LINGO2: variants seen among roughly 807,000 people sequenced by gnomAD.
The protein encoded by LINGO2 is leucine rich repeat and Ig domain containing 2.
Under a neutral mutation model 30.6 loss-of-function variants are expected in LINGO2, and 14 were observed. The observed-to-expected ratio is 0.46, with a 90% CI of 0.30 to 0.72. The LOEUF (loss-of-function observed/expected upper bound fraction) is 0.72. Ranked by LOEUF, LINGO2 falls within the 30% of genes least tolerant of loss-of-function variation. The pLI is 0.07. For missense variants in LINGO2, 729 were observed against 751.7 expected (o/e 0.97, Z 0.35); for synonymous variants, 317 against 288.5 (o/e 1.10, Z -1.00).
intron 5 of LINGO2, among the ~76,000 whole-genome samples, chr9:27,950,999 T>G (rs1819280136): frequency 6.6e-6 from 1 of 152,196 alleles, no homozygotes; most frequent in Admixed American, 6.5e-5. Context: ...AAAGATAATG[T>G]GTGACACAGA....
At chr9:28,647,327 T>G (rs1207420123) in intron 1 of LINGO2, among the ~76,000 whole-genome samples, 1 of 152,144 alleles carries the variant, frequency 6.6e-6, no homozygotes, top group Non-Finnish European at 1.5e-5. Flanking sequence ...TCTTTATGTT[T>G]ATTCTCCACT....
chr9:28,622,522 G>C (rs1826450028), intron 1 of LINGO2, among the ~76,000 whole-genome samples: 1 of 151,796 alleles, frequency 6.6e-6, no homozygotes, highest in South Asian at 2.1e-4. Flanking sequence ...CAAAAGACTG[G>C]ATCTCATTAT....
intron 1 of LINGO2, among the ~76,000 whole-genome samples, chr9:28,636,669 G>T (rs1366307301): frequency 6.6e-6 from 1 of 151,060 alleles, no homozygotes; most frequent in Non-Finnish European, 1.5e-5. Context: ...TGTTGATGGG[G>T]TTGTTTTTTT....
the LINGO2 span, among the ~76,000 whole-genome samples, chr9:29,044,178 A>G: frequency 6.6e-6 from 1 of 151,956 alleles, no homozygotes. Context: ...AAATTTGACA[A>G]TACTGCTAAA....
chr9:28,081,594 A>C (rs986908618), intron 4 of LINGO2, among the ~76,000 whole-genome samples: 4 of 152,246 alleles, frequency 2.6e-5, no homozygotes, highest in Non-Finnish European at 2.9e-5. Context: ...TTCTGGATAG[A>C]GAACGAGCTA....
chr9:28,889,644 CTT>C, the LINGO2 span, among the ~76,000 whole-genome samples: 1 of 152,024 alleles, frequency 6.6e-6, no homozygotes, highest in Admixed American at 6.6e-5. Flanking sequence ...TAACTGGAAT[CTT>C]TTCTACCAGC....
At chr9:28,004,754 C>T (rs1441343039) in intron 5 of LINGO2, among the ~76,000 whole-genome samples, 2 of 151,984 alleles carry the variant, frequency 1.3e-5, no homozygotes, top group African/African-American at 2.4e-5. Flanking sequence ...GGTAAGAGAG[C>T]TGATGTAGCA....
At chr9:29,178,009 T>C in the LINGO2 span, among the ~76,000 whole-genome samples, 1 of 141,256 alleles carries the variant, frequency 7.1e-6, no homozygotes, top group Non-Finnish European at 1.5e-5. Context: ...ATCCCTTCCA[T>C]TTTTTTTTTC....
At chr9:28,456,436 A>C (rs1824849635) in intron 2 of LINGO2, among the ~76,000 whole-genome samples, 1 of 152,228 alleles carries the variant, frequency 6.6e-6, no homozygotes, top group Non-Finnish European at 1.5e-5. Flanking sequence ...CTTACAAATA[A>C]TAAATACTTT....
the LINGO2 span, among the ~76,000 whole-genome samples, chr9:28,702,985 T>C: frequency 6.6e-6 from 1 of 151,960 alleles, no homozygotes; most frequent in South Asian, 2.1e-4. Context: ...GGTTACCTCT[T>C]TCATTCCTGA....
At chr9:29,166,739 T>C in the LINGO2 span, among the ~76,000 whole-genome samples, 3 of 152,152 alleles carry the variant, frequency 2.0e-5, no homozygotes, top group Non-Finnish European at 4.4e-5. Flanking sequence ...AGCTATTCTC[T>C]CCAATTTGTT....
the LINGO2 span, among the ~76,000 whole-genome samples, chr9:28,880,092 T>C: frequency 1.1e-4 from 17 of 152,324 alleles, no homozygotes; most frequent in Admixed American, 9.2e-4. Context: ...AATTGAACTC[T>C]GCCCTTAGAA....
At chr9:29,151,421 A>C in the LINGO2 span, among the ~76,000 whole-genome samples, 164 of 152,324 alleles carry the variant, frequency 1.1e-3, no homozygotes, top group Middle Eastern at 0.014. Flanking sequence ...ACTGAATGTA[A>C]ATGGTATAAT....
chr9:28,422,541 T>C (rs1188500481), intron 2 of LINGO2, among the ~76,000 whole-genome samples: 1 of 151,984 alleles, frequency 6.6e-6, no homozygotes, highest in Non-Finnish European at 1.5e-5. Context: ...TCTGGGGATG[T>C]AGATGAATTG....
At chr9:29,151,652 A>G in the LINGO2 span, among the ~76,000 whole-genome samples, 1 of 152,178 alleles carries the variant, frequency 6.6e-6, no homozygotes, top group African/African-American at 2.4e-5. Context: ...TGATCAACGA[A>G]AAAGAAGGGC....
At chr9:27,964,454 G>A (rs1310696005) in intron 5 of LINGO2, among the ~76,000 whole-genome samples, 3 of 152,030 alleles carry the variant, frequency 2.0e-5, no homozygotes, top group African/African-American at 4.8e-5. Flanking sequence ...ATGGTTTGAA[G>A]CCTATAAAGA....
chr9:28,847,665 A>C, the LINGO2 span, among the ~76,000 whole-genome samples: 1 of 143,328 alleles, frequency 7.0e-6, no homozygotes, highest in African/African-American at 2.7e-5. Flanking sequence ...TTATCCTTTC[A>C]ACTTCAAATC....
the LINGO2 span, among the ~76,000 whole-genome samples, chr9:29,074,068 T>C: frequency 6.6e-6 from 1 of 152,260 alleles, no homozygotes; most frequent in South Asian, 2.1e-4. Flanking sequence ...ATAAAGAGAC[T>C]TTGTGAAGTT....
intron 1 of LINGO2, among the ~76,000 whole-genome samples, chr9:28,571,813 G>A (rs1823709228): frequency 6.6e-6 from 1 of 151,930 alleles, no homozygotes; most frequent in Non-Finnish European, 1.5e-5. Flanking sequence ...CAGCAATTAA[G>A]ACAATGTTCC....
Sources: gnomAD v4.1 joint callset for allele counts (sites outside exome capture counted in the v4.1 genomes callset) on GRCh38, gnomAD v4.1.1 for gene constraint, MANE v1.5 for transcripts, NCBI Gene and HGNC (gene_info 2026-07-23, HGNC 2026-07-21) for gene names.